The following C1orf94 variants were observed in gnomAD, a reference collection of about 807,000 sequenced individuals.
C1orf94 encodes the protein chromosome 1 open reading frame 94.
A neutral mutation model predicts 53.6 loss-of-function variants in C1orf94; 45 were observed. That is an observed-to-expected ratio of 0.84 (90% CI 0.66 to 1.08). The LOEUF is 1.08. Among genes scored for constraint, C1orf94 ranks in the 50% least tolerant of loss-of-function variants. The pLI is 0.00. For synonymous variants in C1orf94, 304 were observed against 296.1 expected (o/e 1.03, Z -0.27); for missense variants, 762 against 738.9 (o/e 1.03, Z -0.36).
At chr1:34,178,412 A>G (rs1642262249) in intron 1 of C1orf94, among the ~76,000 whole-genome samples, 1 of 152,296 alleles carries the variant, frequency 6.6e-6, no homozygotes, top group East Asian at 1.9e-4. Flanking sequence ...AGCTAAGGCT[A>G]AGGGTTATAT....
At position 34,197,496 on chromosome 1, in the gene C1orf94, C is replaced by A. The variant is rs377160731; in HGVS notation, c.592C>A (p.Gln198Lys). Residue 198 changes from glutamine to lysine, a missense_variant, in exon 2 of 7, where the codon CAG becomes AAG. Transcript: ENST00000488417. The surrounding 1 kb of genome is among the most constrained non-coding windows in gnomAD (Gnocchi z 4.1). ...GGCCATGCCCGTTATCAGCAGCAGG[C>A]AGGACTGTGATTCTGCCACTTCTAC... ...KVAMPVISSR[Q>K]DCDSATSTVT... 1.9e-6 allele frequency: 3 copies of A among 1,613,982 alleles called. No homozygotes were observed. Among genetic ancestry groups the A allele is most frequent in the Non-Finnish European group, 2.5e-6 (3 of 1,180,024 alleles).
At chr1:34,173,191 G>T (rs1445321039), upstream of C1orf94, among the ~76,000 whole-genome samples, 3 of 152,142 alleles carry the variant, frequency 2.0e-5, no homozygotes, top group African/African-American at 4.8e-5. Flanking sequence ...TCTCGAGTAG[G>T]CACTAAGATT....
chr1:34,174,643 A>C (rs544959049), upstream of C1orf94, among the ~76,000 whole-genome samples: 3 of 152,368 alleles, frequency 2.0e-5, no homozygotes, highest in East Asian at 5.8e-4. Context: ...GGGAGAACAC[A>C]GCCAAGTGCA....
At chr1:34,172,421 G>A (rs1642158539), upstream of C1orf94, among the ~76,000 whole-genome samples, 1 of 152,194 alleles carries the variant, frequency 6.6e-6, no homozygotes, top group African/African-American at 2.4e-5. Context: ...GCACTGTGTT[G>A]AGAAGTTCAC....
chr1:34,202,141 T>C lies in C1orf94; in HGVS notation c.1328T>C (p.Phe443Ser). Reference protein sequence around the residue: ...KNNPKYTGNVFTPHFPTAMTS... With the variant: ...KNNPKYTGNVSTPHFPTAMTS... ...AACCCGAAGTACACAGGGAATGTTT[T>C]CACTCCACACTTTCCTACAGCCATG... The change falls in exon 4 of 7, where the codon TTC becomes TCC. Residue 443 changes from phenylalanine to serine, a missense_variant. Transcript: ENST00000488417. 6.2e-7 allele frequency: 1 copy of C among 1,614,212 alleles called. No homozygotes were observed. The highest frequency in any genetic ancestry group is 1.3e-5 in the African/African-American group (1 of 75,056).
At chr1:34,199,712 A>G (rs1642664949) in intron 2 of C1orf94, among the ~76,000 whole-genome samples, 1 of 152,214 alleles carries the variant, frequency 6.6e-6, no homozygotes, top group South Asian at 2.1e-4. Flanking sequence ...TCCCCAAAGT[A>G]TGTCTGCATT....
At chr1:34,198,885 A>C (rs1446204429) in intron 2 of C1orf94, among the ~76,000 whole-genome samples, 2 of 152,086 alleles carry the variant, frequency 1.3e-5, no homozygotes, top group Non-Finnish European at 1.5e-5. Flanking sequence ...TGTAGGAGAG[A>C]GACGGTTGAG....
chr1:34,189,446 G>C (rs1343453679), intron 1 of C1orf94, among the ~76,000 whole-genome samples: 2 of 151,974 alleles, frequency 1.3e-5, no homozygotes, highest in Middle Eastern at 3.2e-3. Flanking sequence ...GAAGATGGAG[G>C]AAGACACAGG....
chr1:34,195,799 TGTGTG>T (rs1642569824), intron 1 of C1orf94, among the ~76,000 whole-genome samples: 1 of 151,982 alleles, frequency 6.6e-6, no homozygotes, highest in African/African-American at 2.4e-5. Flanking sequence ...TGTGTGTGTG[TGTGTG>T]TGTGTGCGTT....
Position 34,202,212 on chromosome 1 carries a change from C to T in C1orf94, c.1399C>T (p.Pro467Ser). 6.2e-7 allele frequency: 1 copy of T among 1,614,238 alleles called. No homozygotes were observed. The highest frequency in any genetic ancestry group is 8.5e-7 in the Non-Finnish European group (1 of 1,180,040). The change falls in exon 4 of 7, where the codon CCA becomes TCA. Residue 467 changes from proline to serine, a missense_variant. By Grantham distance (74) the Pro-to-Ser change is moderately conservative (BLOSUM62 -1). Transcript: ENST00000488417. ...NQPLWLNLNY[P>S]PPPVFTNHST... ...GCCACTCTGGCTCAACCTGAACTAT[C>T]CACCTCCACCAGTGTTCACGAATCA...
At position 34,197,363 on chromosome 1, in the gene C1orf94, G is replaced by T. The variant is rs1259884792; in HGVS notation, c.459G>T (p.Gly153=). Reference sequence around the variant, plus strand: ...AGGTACCCGGCAGCTCTCCCGAGGGGACCAGAGAGCTGGCTCCCTGCATTC... The same window carrying T: ...AGGTACCCGGCAGCTCTCCCGAGGGTACCAGAGAGCTGGCTCCCTGCATTC... ...ELEVPGSSPE[G]TRELAPCILA... Residue 153 remains glycine, a synonymous_variant, in exon 2 of 7, where the codon GGG becomes GGT. Coordinates refer to ENST00000488417, the MANE Select transcript of C1orf94 (RefSeq NM_001134734.2). This position sits in a 1 kb window ranked among gnomAD's most constrained non-coding sequence, Gnocchi z 4.1. The T allele has an allele frequency of 6.2e-7, 1 of 1,610,312 alleles. No homozygotes were observed. The highest frequency in any genetic ancestry group is 8.5e-7 in the Non-Finnish European group (1 of 1,178,070).
intron 6 of C1orf94, 26 bp from the exon 7 acceptor site, chr1:34,218,660 T>C: frequency 1.9e-6 from 3 of 1,596,326 alleles, no homozygotes; most frequent in Non-Finnish European, 2.6e-6. Context: ...AATCTCATCA[T>C]GGCATCCACC....
At chr1:34,183,111 C>T (rs1456227041) in intron 1 of C1orf94, among the ~76,000 whole-genome samples, 1 of 152,134 alleles carries the variant, frequency 6.6e-6, no homozygotes, top group African/African-American at 2.4e-5. Flanking sequence ...CAAGCTTGAG[C>T]CCCTGGTTGG....
In C1orf94 at chr1:34,177,497, C is replaced by G. The variant is rs534875086; in HGVS notation, c.-293C>G. 1.5e-4 allele frequency among the ~76,000 whole-genome samples: 23 copies of G among 152,310 alleles called. No homozygotes were observed. In the South Asian group the frequency reaches 4.6e-3, roughly 30 times the overall value. ...AGCTGTTCCCAGATGTCATTCTGCC[C>G]GCCCAGGCGCCTGGTTCCTGAGCTC... On this transcript the variant is annotated 5_prime_UTR_variant, in exon 1 of 7. Coordinates refer to ENST00000488417, the MANE Select transcript of C1orf94 (RefSeq NM_001134734.2).
chr1:34,212,184 A>G (rs1436312383), intron 5 of C1orf94, 26 bp from the exon 6 acceptor site: 2 of 1,578,904 alleles, frequency 1.3e-6, no homozygotes, highest in Admixed American at 1.8e-5. Flanking sequence ...TGGTGACCTC[A>G]CCCCTCTCTT....
intron 6 of C1orf94, among the ~76,000 whole-genome samples, chr1:34,213,276 C>A (rs2148623450): frequency 6.6e-6 from 1 of 152,318 alleles, no homozygotes; most frequent in African/African-American, 2.4e-5. Flanking sequence ...CAGAACCTTC[C>A]CTGCAGTGCC....
At position 34,197,131 on chromosome 1, in the gene C1orf94, A is replaced by C. The variant is rs1380960511; in HGVS notation, c.321-94A>C. 7.9e-6 allele frequency: 9 copies of C among 1,144,840 alleles called. No individual in the cohort carries two copies. The highest frequency in any genetic ancestry group is 1.1e-5 in the Non-Finnish European group (9 of 819,646). The allele number at this position is 1,144,840 out of a possible 1,614,324, so 70.9% of individuals were successfully genotyped here. A position where few individuals can be genotyped will look rare whatever the true frequency, so the allele number is the denominator to read the frequency against. On this transcript the variant is annotated intron_variant, in intron 1 of 6. Transcript: ENST00000488417. This position sits in a 1 kb window ranked among gnomAD's most constrained non-coding sequence, Gnocchi z 4.1. ...GAAGTGTGTTTTTGTCATGTTATGC[A>C]TCCATCTCCCTTTTCTGGGGCCTAT...
At chr1:34,202,297 G>A (rs760267096) in intron 4 of C1orf94, 38 bp downstream of exon 4, 24 of 1,598,958 alleles carry the variant, frequency 1.5e-5, no homozygotes, top group South Asian at 1.1e-5. Context: ...GGACATCCAC[G>A]GGGGTTTTGG....
At position 34,212,237 on chromosome 1, in the gene C1orf94, G is replaced by A. The variant is rs768202401; in HGVS notation, c.1552G>A (p.Gly518Arg). The A allele has an allele frequency of 6.2e-7, 1 of 1,612,394 alleles. No individual in the cohort carries two copies. The highest frequency in any genetic ancestry group is 1.3e-5 in the African/African-American group (1 of 74,836). The change falls in exon 6 of 7, where the codon GGA becomes AGA. Residue 518 changes from glycine to arginine, a missense_variant. By Grantham distance (125) the Gly-to-Arg change is moderately radical. Coordinates refer to ENST00000488417, the MANE Select transcript of C1orf94 (RefSeq NM_001134734.2). ...QVMPYNPQQM[G>R]QQIFRSSYTP... Reference sequence around the variant, plus strand: ...GATGCCATACAACCCACAGCAGATGGGACAGCAGATCTTCCGCTCTTCCTA... The same window carrying A: ...GATGCCATACAACCCACAGCAGATGAGACAGCAGATCTTCCGCTCTTCCTA...
Sources: allele counts gnomAD v4.1 joint callset (sites outside exome capture counted in the v4.1 genomes callset), GRCh38; gene constraint gnomAD v4.1.1; non-coding constraint Gnocchi (gnomAD v3.1); transcripts MANE v1.5; gene names NCBI Gene and HGNC (gene_info 2026-07-23, HGNC 2026-07-21).